The following AHCYL2 variants were observed in gnomAD, a reference collection of about 807,000 sequenced individuals.
AHCYL2 encodes the protein adenosylhomocysteinase like 2.
A neutral mutation model predicts 81.4 loss-of-function variants in AHCYL2; 28 were observed. The observed-to-expected ratio is 0.34, with a 90% CI of 0.25 to 0.47. The LOEUF (loss-of-function observed/expected upper bound fraction) is 0.47. Among genes scored for constraint, AHCYL2 ranks in the 20% least tolerant of loss-of-function variants. The probability of loss-of-function intolerance (pLI) is 1.00; values close to 1 mark genes in which losing one functional copy is unlikely to be tolerated. For missense variants in AHCYL2, 551 were observed against 785.1 expected (o/e 0.70, Z 3.56); for synonymous variants, 272 against 290.2 (o/e 0.94, Z 0.64).
intron 1 of AHCYL2, among the ~76,000 whole-genome samples, chr7:129,237,197 C>T (rs1794671251): frequency 6.6e-6 from 1 of 152,036 alleles, no homozygotes; most frequent in Non-Finnish European, 1.5e-5. Flanking sequence ...TTATAAACAA[C>T]ATCTGTGTTT....
chr7:129,308,266 A>G (rs1261649827), intron 1 of AHCYL2, among the ~76,000 whole-genome samples: 5 of 152,120 alleles, frequency 3.3e-5, no homozygotes, highest in Non-Finnish European at 7.3e-5. Context: ...AGTTACAGAT[A>G]TGACTGCTGG....
Position 129,379,717 on chromosome 7 carries a change from T to C in AHCYL2, c.443T>C (p.Ile148Thr). 6.2e-7 allele frequency: 1 copy of C among 1,614,160 alleles called. No homozygotes were observed. The highest frequency in any genetic ancestry group is 1.1e-5 in the South Asian group (1 of 91,072). The change falls in exon 2 of 17, where the codon ATT becomes ACT. Residue 148 changes from isoleucine to threonine, a missense_variant. This residue lies in a region of AHCYL2 where 235 missense variants were observed against 242.1 expected (regional missense o/e 0.97). Transcript: ENST00000325006. The stretch of plus-strand genomic sequence containing the variant: ...GGACGTCGCTCTTTGTCTCGTTCCA[T>C]TTCTCAGTCATCTACTGACAGCTAC... ...KIGRRSLSRS[I>T]SQSSTDSYSS...
chr7:129,238,674 G>A (rs1267235157), intron 1 of AHCYL2, among the ~76,000 whole-genome samples: 3 of 152,126 alleles, frequency 2.0e-5, no homozygotes, highest in East Asian at 1.9e-4. Context: ...CTCTGTGGCC[G>A]GGCGCGGTGG....
At chr7:129,324,167 G>A (rs1798137815) in intron 1 of AHCYL2, among the ~76,000 whole-genome samples, 1 of 152,136 alleles carries the variant, frequency 6.6e-6, no homozygotes, top group Admixed American at 6.5e-5. Flanking sequence ...ACAGGCATGA[G>A]CCACCGTGCC....
At position 129,342,207 on chromosome 7, in the gene AHCYL2, A is replaced by G. The variant is rs538571786; in HGVS notation, c.364-37431A>G. On this transcript the variant is annotated intron_variant, in intron 1 of 16. Coordinates refer to ENST00000325006, the MANE Select transcript of AHCYL2 (RefSeq NM_015328.4). ...AGTATTCCTGTTACTTGTTGGTATC[A>G]TCATTCACCCTATCAGCTGGTAGGA... 9.2e-5 allele frequency among the ~76,000 whole-genome samples: 14 copies of G among 152,318 alleles called. No homozygotes were observed. In the South Asian group the frequency reaches 2.9e-3, roughly 32 times the overall value.
At chr7:129,421,747 AT>A (rs1218735787) in intron 12 of AHCYL2, among the ~76,000 whole-genome samples, 7 of 152,214 alleles carry the variant, frequency 4.6e-5, no homozygotes, top group African/African-American at 1.7e-4. Flanking sequence ...GGAATCATGA[AT>A]TTCTAAACTT....
At chr7:129,265,314 C>G (rs1795779189) in intron 1 of AHCYL2, among the ~76,000 whole-genome samples, 1 of 152,148 alleles carries the variant, frequency 6.6e-6, no homozygotes, top group Non-Finnish European at 1.5e-5. Flanking sequence ...GAAGCCCCAC[C>G]CAACAACTTC....
At chr7:129,356,125 A>G (rs1212661114) in intron 1 of AHCYL2, among the ~76,000 whole-genome samples, 1 of 152,166 alleles carries the variant, frequency 6.6e-6, no homozygotes, top group Admixed American at 6.5e-5. Flanking sequence ...TTCTTCCTTT[A>G]TATGATTTCT....
chr7:129,365,061 CAGGTA>C (rs1258037781), intron 1 of AHCYL2, among the ~76,000 whole-genome samples: 2 of 152,086 alleles, frequency 1.3e-5, no homozygotes, highest in Non-Finnish European at 2.9e-5. Context: ...TACTATATCG[CAGGTA>C]TTGTAGGCAA....
intron 1 of AHCYL2, among the ~76,000 whole-genome samples, chr7:129,267,786 G>A (rs1392186699): frequency 2.0e-5 from 3 of 152,168 alleles, no homozygotes; most frequent in Non-Finnish European, 4.4e-5. Context: ...ATGGTAAGAT[G>A]ATGGAATTGA....
At chr7:129,390,170 A>T (rs1795398816) in intron 4 of AHCYL2, among the ~76,000 whole-genome samples, 1 of 152,250 alleles carries the variant, frequency 6.6e-6, no homozygotes, top group Admixed American at 6.5e-5. Context: ...TGAGGATTTG[A>T]CCAACTGCAG....
chr7:129,427,160 T>C lies in AHCYL2; in HGVS notation c.*115T>C. On this transcript the variant is annotated 3_prime_UTR_variant, in exon 17 of 17. Transcript: ENST00000325006. The surrounding 1 kb of genome is among the most constrained non-coding windows in gnomAD (Gnocchi z 5.5). Reference sequence around the variant, plus strand: ...CTCCAATCAAAGCTGCCTGCCGTGCTCACCCTGTGTGTTAGGTTATTTATT... The same window carrying C: ...CTCCAATCAAAGCTGCCTGCCGTGCCCACCCTGTGTGTTAGGTTATTTATT... 1 of 1,077,016 alleles carries C rather than the reference T, an allele frequency of 9.3e-7. No individual in the cohort carries two copies. Among genetic ancestry groups the C allele is most frequent in the East Asian group, 2.4e-5 (1 of 41,818 alleles). The allele number at this position is 1,077,016 out of a possible 1,614,324, so 66.7% of individuals were successfully genotyped here.
rs1797303622 is a variant in AHCYL2, at chr7:129,425,160, A to G, written c.1708+19A>G. On this transcript the variant is annotated intron_variant, in intron 15 of 16. Coordinates refer to ENST00000325006, the MANE Select transcript of AHCYL2 (RefSeq NM_015328.4). Reference sequence around the variant, plus strand: ...AAGATGGGTAAGTATTTACTCTTCCATCTCCATCCTTACCAAAGTAGTTCA... The same window carrying G: ...AAGATGGGTAAGTATTTACTCTTCCGTCTCCATCCTTACCAAAGTAGTTCA... 6.2e-7 allele frequency: 1 copy of G among 1,605,164 alleles called. No homozygotes were observed. Among genetic ancestry groups the G allele is most frequent in the African/African-American group, 1.3e-5 (1 of 74,736 alleles).
At chr7:129,407,097 C>G (rs1796343309) in intron 10 of AHCYL2, among the ~76,000 whole-genome samples, 1 of 152,156 alleles carries the variant, frequency 6.6e-6, no homozygotes, top group Non-Finnish European at 1.5e-5. Flanking sequence ...TGCCTGTAAT[C>G]CCAGCACTTT....
At chr7:129,423,296 T>C (rs79104332) in intron 13 of AHCYL2, among the ~76,000 whole-genome samples, 3,256 of 152,332 alleles carry the variant, frequency 0.021, 45 homozygotes, top group Non-Finnish European at 0.034. Flanking sequence ...AAAGTAGATA[T>C]GCCCGACTGT....
At chr7:129,227,010 A>G (rs1194211774) in intron 1 of AHCYL2, among the ~76,000 whole-genome samples, 4 of 152,232 alleles carry the variant, frequency 2.6e-5, no homozygotes, top group Non-Finnish European at 5.9e-5. Flanking sequence ...GTGTTTAACA[A>G]ATTGCTTTTA....
chr7:129,262,013 CAT>C (rs1385898673), intron 1 of AHCYL2, among the ~76,000 whole-genome samples: 1 of 152,016 alleles, frequency 6.6e-6, no homozygotes, highest in Non-Finnish European at 1.5e-5. Flanking sequence ...GGGCCTGTCT[CAT>C]ATTTTTGCAT....
Position 129,240,227 on chromosome 7 carries a change from A to AG in AHCYL2, c.363+14788_363+14789insG, listed in dbSNP as rs551431812. Among the ~76,000 whole-genome samples, 22 of 150,674 alleles carry AG rather than the reference A, an allele frequency of 1.5e-4. No homozygotes were observed. In the South Asian group the frequency reaches 4.4e-3, roughly 30 times the overall value. On this transcript the variant is annotated intron_variant, in intron 1 of 16. Transcript: ENST00000325006. ...CAAAAAAAATCCGCCTCAAAAAAAA[A>AG]AAAGAATCCCATGGCCATCTCCACA... is the stretch of plus-strand genomic sequence containing the variant.
rs920336780 is a variant in AHCYL2 at position 129,429,251 on chromosome 7, T to C, written c.*2206T>C. 1 of 152,248 alleles carries C rather than the reference T, an allele frequency of 6.6e-6. No individual in the cohort carries two copies. Among genetic ancestry groups the C allele is most frequent in the African/African-American group, 2.4e-5 (1 of 41,464 alleles). The allele number at this position is 152,248 out of a possible 1,614,324, so 9.4% of individuals were successfully genotyped here. On this transcript the variant is annotated 3_prime_UTR_variant, in exon 17 of 17. Coordinates refer to ENST00000325006, the MANE Select transcript of AHCYL2 (RefSeq NM_015328.4). ...GCCTCTGAGTTTCAGATGACCTCTC[T>C]GTAGGGACACTGTGTTATCAACCAT...
Sources: allele counts gnomAD v4.1 joint callset (sites outside exome capture counted in the v4.1 genomes callset), GRCh38; gene constraint gnomAD v4.1.1; regional missense constraint gnomAD v4.1.1; non-coding constraint Gnocchi (gnomAD v3.1); transcripts MANE v1.5; gene names NCBI Gene and HGNC (gene_info 2026-07-23, HGNC 2026-07-21).